Variants in AGO3 observed in about 807,000 individuals in gnomAD.
The protein encoded by AGO3 is argonaute RISC catalytic component 3.
Under a neutral mutation model 105.5 loss-of-function variants are expected in AGO3, and 16 were observed. The observed-to-expected ratio is 0.15, with a 90% CI of 0.10 to 0.23. The LOEUF (loss-of-function observed/expected upper bound fraction) is 0.23. Ranked by LOEUF, AGO3 falls within the 10% of genes least tolerant of loss-of-function variation. The pLI is 1.00. For synonymous variants in AGO3, 340 were observed against 367.3 expected, an observed-to-expected ratio of 0.93 and a Z score of 0.85; for missense variants, 534 against 1,088.0, an observed-to-expected ratio of 0.49 and a Z score of 7.16.
At chr1:36,012,124 C>T (rs1293462764) in intron 9 of AGO3, among the ~76,000 whole-genome samples, 1 of 151,856 alleles carries the variant, frequency 6.6e-6, no homozygotes, top group African/African-American at 2.4e-5. Context: ...CAGTTGAGCC[C>T]AGGAGTTCAA....
chr1:35,982,176 C>G (rs899594722), intron 5 of AGO3, among the ~76,000 whole-genome samples: 5 of 152,096 alleles, frequency 3.3e-5, no homozygotes, highest in Admixed American at 3.3e-4. Context: ...ACCTGTAATC[C>G]TAGCACTTTG....
At chr1:36,039,263 A>G (rs1312253273) in intron 14 of AGO3, among the ~76,000 whole-genome samples, 5 of 152,110 alleles carry the variant, frequency 3.3e-5, no homozygotes, top group African/African-American at 1.2e-4. Flanking sequence ...TGGGAGGCCA[A>G]CGCAGACGGA....
At chr1:36,054,009 A>G (rs1386156956) in intron 17 of AGO3, among the ~76,000 whole-genome samples, 1 of 151,290 alleles carries the variant, frequency 6.6e-6, no homozygotes, top group Non-Finnish European at 1.5e-5. Flanking sequence ...TAATTTTTTA[A>G]ATCTTTTTGT....
chr1:35,934,674 T>G (rs1646116551), intron 1 of AGO3, among the ~76,000 whole-genome samples: 1 of 151,912 alleles, frequency 6.6e-6, no homozygotes, highest in Admixed American at 6.6e-5. Context: ...TGAGATGGAG[T>G]CTTGCTTGCT....
rs1253531388 is a variant in AGO3, at chr1:36,055,909, TA to T, written c.*165del. The T allele has an allele frequency of 9.9e-6, 6 of 606,042 alleles. No individual in the cohort carries two copies. The highest frequency in any genetic ancestry group is 1.7e-5 in the Non-Finnish European group (6 of 352,302). The allele number at this position is 606,042 out of a possible 1,614,324, so 37.5% of individuals were successfully genotyped here. ...TTATGTTAATACAAGGAAGATTGTTTACTTCATCAAGGAACACAGCATCATT... is the reference window on the plus strand; with the variant it reads ...TTATGTTAATACAAGGAAGATTGTTTCTTCATCAAGGAACACAGCATCATT... On this transcript the variant is annotated 3_prime_UTR_variant, in exon 19 of 19. Transcript: ENST00000373191. The surrounding 1 kb of genome is among the most constrained non-coding windows in gnomAD (Gnocchi z 4.4).
At chr1:35,978,444 C>T (rs895244316) in intron 5 of AGO3, among the ~76,000 whole-genome samples, 1 of 152,086 alleles carries the variant, frequency 6.6e-6, no homozygotes, top group Non-Finnish European at 1.5e-5. Context: ...CGCCTCCCTC[C>T]GCCTTCCCAA....
At chr1:35,975,559 GT>G (rs1174944298) in intron 5 of AGO3, among the ~76,000 whole-genome samples, 1 of 151,624 alleles carries the variant, frequency 6.6e-6, no homozygotes. Flanking sequence ...TGTTGTTTTT[GT>G]TTTTGCCATG....
chr1:35,997,899 G>A (rs1639912541), intron 5 of AGO3, among the ~76,000 whole-genome samples: 1 of 152,104 alleles, frequency 6.6e-6, no homozygotes, highest in African/African-American at 2.4e-5. Flanking sequence ...GTTTCACCAT[G>A]TTGGCCAGGC....
chr1:36,022,487 T>G (rs986438417), intron 11 of AGO3, among the ~76,000 whole-genome samples: 3 of 152,158 alleles, frequency 2.0e-5, no homozygotes, highest in African/African-American at 4.8e-5. Flanking sequence ...GTCCTAACAT[T>G]TATGAGTGTA....
At chr1:35,936,972 AT>A (rs1200423157) in intron 1 of AGO3, among the ~76,000 whole-genome samples, 1 of 152,196 alleles carries the variant, frequency 6.6e-6, no homozygotes, top group Non-Finnish European at 1.5e-5. Flanking sequence ...AATACTTGGT[AT>A]TTTAACTGAT....
At chr1:35,951,466 C>G (rs1344136977) in intron 2 of AGO3, among the ~76,000 whole-genome samples, 1 of 152,088 alleles carries the variant, frequency 6.6e-6, no homozygotes, top group Non-Finnish European at 1.5e-5. Context: ...GGTACGATCA[C>G]AGTTCACTGC....
chr1:35,931,945 C>G (rs893565547), intron 1 of AGO3, among the ~76,000 whole-genome samples: 1 of 152,192 alleles, frequency 6.6e-6, no homozygotes, highest in Non-Finnish European at 1.5e-5. Flanking sequence ...GAGTTCTTTT[C>G]TGTTGTTTGT....
At chr1:35,934,232 A>T (rs1412542191) in intron 1 of AGO3, among the ~76,000 whole-genome samples, 1 of 152,166 alleles carries the variant, frequency 6.6e-6, no homozygotes, top group African/African-American at 2.4e-5. Context: ...ATACTATTCT[A>T]GTCTATGTTT....
rs1294978814 is a variant in AGO3 at position 36,068,800 on chromosome 1, T to C, written c.*13055T>C. On this transcript the variant is annotated 3_prime_UTR_variant, in exon 19 of 19. Transcript: ENST00000373191. ...TGCCTTCTTGATATGTGCAAAATAT[T>C]GTGTAAAAATAGTTTAAAACTCATC... 3 of 151,950 alleles carry C rather than the reference T, an allele frequency of 2.0e-5. No homozygotes were observed. The highest frequency in any genetic ancestry group is 7.2e-5 in the African/African-American group (3 of 41,430). The allele number at this position is 151,950 out of a possible 1,614,324, so 9.4% of individuals were successfully genotyped here.
intron 1 of AGO3, among the ~76,000 whole-genome samples, chr1:35,944,950 G>A (rs1488126980): frequency 2.0e-5 from 3 of 152,034 alleles, no homozygotes; most frequent in Non-Finnish European, 4.4e-5. Flanking sequence ...CCACAGGTGT[G>A]CACCACCACA....
chr1:36,022,307 TC>T (rs2148828445), intron 11 of AGO3, among the ~76,000 whole-genome samples: 1 of 152,190 alleles, frequency 6.6e-6, no homozygotes, highest in East Asian at 1.9e-4. Flanking sequence ...ACTCAAGTGA[TC>T]CTCCTGCTTC....
At position 36,027,371 on chromosome 1, in the gene AGO3, T is replaced by A; in HGVS notation, c.1591+73T>A. 7.7e-7 allele frequency: 1 copy of A among 1,300,958 alleles called. No individual in the cohort carries two copies. Among genetic ancestry groups the A allele is most frequent in the Non-Finnish European group, 1.0e-6 (1 of 970,808 alleles). 80.6% of individuals were successfully genotyped at this position (1,300,958 alleles called of 1,614,324 possible). The stretch of plus-strand genomic sequence containing the variant: ...TTTAGGATTATACTGAAACATATCC[T>A]AAAACTTTCAAATATTAAAATATAT... On this transcript the variant is annotated intron_variant, in intron 12 of 18. Coordinates refer to ENST00000373191, the MANE Select transcript of AGO3 (RefSeq NM_024852.4). This position sits in a 1 kb window ranked among gnomAD's most constrained non-coding sequence, Gnocchi z 4.0.
intron 5 of AGO3, chr1:36,003,874 G>A (rs1336925138): frequency 6.6e-6 from 1 of 151,038 alleles, no homozygotes; most frequent in Admixed American, 6.6e-5. Flanking sequence ...AATAATACTG[G>A]CCAGGCATGG....
chr1:35,967,721 TA>T (rs372639437), intron 3 of AGO3, among the ~76,000 whole-genome samples: 18 of 152,268 alleles, frequency 1.2e-4, no homozygotes, highest in African/African-American at 4.3e-4. Flanking sequence ...TGCCAGTATT[TA>T]ATACTTTAAT....
Sources: allele counts gnomAD v4.1 joint callset (sites outside exome capture counted in the v4.1 genomes callset), GRCh38; gene constraint gnomAD v4.1.1; non-coding constraint Gnocchi (gnomAD v3.1); transcripts MANE v1.5; gene names NCBI Gene and HGNC (gene_info 2026-07-23, HGNC 2026-07-21).